The following KSR1 variants were observed in gnomAD, a reference collection of about 807,000 sequenced individuals.
KSR1 encodes kinase suppressor of ras 1, also known as kinase suppressor of ras.
In KSR1, 35 loss-of-function variants were observed where a neutral mutation model predicts 92.9. That is an observed-to-expected ratio of 0.38 (90% CI 0.29 to 0.50). The LOEUF (loss-of-function observed/expected upper bound fraction) is 0.50. KSR1 is among the 20% of genes least tolerant of loss of function. The pLI, the probability that KSR1 is intolerant of heterozygous loss-of-function variation, is 0.94. For missense variants in KSR1, 972 were observed against 1,158.5 expected, an observed-to-expected ratio of 0.84 and a Z score of 2.34; for synonymous variants, 467 against 472.6, an observed-to-expected ratio of 0.99 and a Z score of 0.15.
At chr17:27,456,939 GT>G in intron 1 of KSR1, 65 bp downstream of exon 1, 1 of 738,138 alleles carries the variant, frequency 1.4e-6, no homozygotes, top group Non-Finnish European at 2.5e-6. Flanking sequence ...CCGGGCCCCA[GT>G]ACTCCTGGCC....
chr17:27,541,798 T>C (rs1194932789), intron 1 of KSR1, among the ~76,000 whole-genome samples: 3 of 152,174 alleles, frequency 2.0e-5, no homozygotes, highest in African/African-American at 7.2e-5. Flanking sequence ...TTAAGTCTTG[T>C]GGGTTTCACA....
chr17:27,521,547 T>G (rs535462818), intron 1 of KSR1, among the ~76,000 whole-genome samples: 1 of 152,228 alleles, frequency 6.6e-6, no homozygotes, highest in East Asian at 1.9e-4. Flanking sequence ...GCCTCTTGCC[T>G]CAGCCTCTTG....
intron 2 of KSR1, among the ~76,000 whole-genome samples, chr17:27,553,181 G>C (rs944165546): frequency 2.0e-5 from 3 of 152,170 alleles, no homozygotes; most frequent in African/African-American, 7.2e-5. Context: ...GCTGCTTGCT[G>C]GCACAGGCAG....
intron 1 of KSR1, among the ~76,000 whole-genome samples, chr17:27,498,720 G>A (rs943117225): frequency 6.6e-6 from 1 of 152,306 alleles, no homozygotes; most frequent in East Asian, 1.9e-4. Flanking sequence ...AGCTATTGAG[G>A]CCTGGATCCC....
chr17:27,537,903 C>T (rs894519782), intron 1 of KSR1, among the ~76,000 whole-genome samples: 1 of 152,180 alleles, frequency 6.6e-6, no homozygotes, highest in East Asian at 1.9e-4. Flanking sequence ...AATAAAACTT[C>T]TAGAACCCAG....
intron 2 of KSR1, among the ~76,000 whole-genome samples, chr17:27,566,031 C>A (rs752192192): frequency 1.3e-5 from 2 of 152,050 alleles, no homozygotes; most frequent in Non-Finnish European, 2.9e-5. Context: ...CCATACCACT[C>A]ACCCGAAGCA....
intron 1 of KSR1, among the ~76,000 whole-genome samples, chr17:27,506,613 C>T (rs1485291545): frequency 2.6e-5 from 4 of 152,160 alleles, no homozygotes; most frequent in African/African-American, 7.2e-5. Flanking sequence ...GGAGTCTTCC[C>T]TTTGCAGTTG....
At chr17:27,499,885 C>G (rs138425242) in intron 1 of KSR1, among the ~76,000 whole-genome samples, 1 of 152,318 alleles carries the variant, frequency 6.6e-6, no homozygotes, top group Non-Finnish European at 1.5e-5. Context: ...GAGTTTGTTG[C>G]AAAGTACTGA....
intron 1 of KSR1, chr17:27,526,699 ACACGAGGGTT>A (rs1567793582): frequency 6.7e-7 from 1 of 1,503,422 alleles, no homozygotes; most frequent in Non-Finnish European, 9.3e-7. Flanking sequence ...TGACAGCTGA[ACACGAGGGTT>A]CAGGTTGAGA....
chr17:27,571,416 C>T (rs1223455415), intron 2 of KSR1, among the ~76,000 whole-genome samples: 3 of 152,242 alleles, frequency 2.0e-5, no homozygotes, highest in Non-Finnish European at 4.4e-5. Context: ...CAATTTGAGA[C>T]ATGTGGCTCC....
rs11868644 is a variant in KSR1 at position 27,510,417 on chromosome 17, C to T, written c.232-40151C>T. On this transcript the variant is annotated intron_variant, in intron 1 of 20. Coordinates refer to ENST00000644974, the MANE Select transcript of KSR1 (RefSeq NM_001394583.1). ...GAGTTATAAGGACCGAGTGAGTAGA[C>T]GTAAAAAGGCTTGGTTGCCAATAAA... Among the ~76,000 whole-genome samples, 816 of 152,180 alleles carry T rather than the reference C, an allele frequency of 5.4e-3. 10 individuals carry two copies. The highest frequency in any genetic ancestry group is 0.019 in the African/African-American group (778 of 41,516).
chr17:27,616,262 A>C (rs1009248023), intron 18 of KSR1, among the ~76,000 whole-genome samples: 2 of 152,146 alleles, frequency 1.3e-5, no homozygotes, highest in African/African-American at 4.8e-5. Context: ...CATTAGACAG[A>C]ATTTGGTTCT....
chr17:27,564,189 C>G (rs556340377), intron 2 of KSR1, among the ~76,000 whole-genome samples: 4 of 152,100 alleles, frequency 2.6e-5, no homozygotes, highest in Non-Finnish European at 4.4e-5. Flanking sequence ...CAGGGTTTCA[C>G]CATGTTGGCC....
intron 2 of KSR1, among the ~76,000 whole-genome samples, chr17:27,560,942 A>C (rs1161363919): frequency 6.6e-6 from 1 of 152,232 alleles, no homozygotes; most frequent in Non-Finnish European, 1.5e-5. Context: ...CCTTGGTACC[A>C]GCCCAGTGGG....
At chr17:27,461,121 G>A (rs531103725) in intron 1 of KSR1, among the ~76,000 whole-genome samples, 4 of 152,094 alleles carry the variant, frequency 2.6e-5, no homozygotes, top group Admixed American at 6.5e-5. Flanking sequence ...CCACTCTGTC[G>A]CCCAGGCTGG....
intron 17 of KSR1, among the ~76,000 whole-genome samples, chr17:27,610,694 CCT>C (rs1385448890): frequency 6.6e-6 from 1 of 151,966 alleles, no homozygotes; most frequent in Non-Finnish European, 1.5e-5. Flanking sequence ...ATTAGTTTCC[CCT>C]GTTTATGTTT....
At chr17:27,475,143 A>G (rs2068301414) in intron 1 of KSR1, among the ~76,000 whole-genome samples, 1 of 152,156 alleles carries the variant, frequency 6.6e-6, no homozygotes, top group African/African-American at 2.4e-5. Flanking sequence ...TGTGGAAGCC[A>G]AAGGGGAGTG....
intron 4 of KSR1, among the ~76,000 whole-genome samples, chr17:27,584,300 G>A (rs1207837198): frequency 6.6e-6 from 1 of 152,150 alleles, no homozygotes; most frequent in African/African-American, 2.4e-5. Context: ...GTCATCTTTG[G>A]AACGGGCCTG....
chr17:27,481,575 A>G (rs774200125), intron 1 of KSR1, among the ~76,000 whole-genome samples: 28 of 152,164 alleles, frequency 1.8e-4, no homozygotes, highest in Non-Finnish European at 4.0e-4. Context: ...CTGTGGAGCC[A>G]CCAGCCTTCC....
Sources: allele counts gnomAD v4.1 joint callset (sites outside exome capture counted in the v4.1 genomes callset), GRCh38; gene constraint gnomAD v4.1.1; transcripts MANE v1.5; gene names NCBI Gene and HGNC (gene_info 2026-07-23, HGNC 2026-07-21).